CCNH: variants seen among roughly 807,000 people sequenced by gnomAD.
The protein encoded by CCNH is cyclin-H.
A neutral mutation model predicts 41.9 loss-of-function variants in CCNH; 31 were observed. That is an observed-to-expected ratio of 0.74 (90% CI 0.56 to 1.00). The LOEUF (loss-of-function observed/expected upper bound fraction) is 1.00. Among genes scored for constraint, CCNH ranks in the 50% least tolerant of loss-of-function variants. CCNH has a pLI of 0.00. For synonymous variants in CCNH, 138 were observed against 136.1 expected (o/e 1.01, Z -0.10); for missense variants, 362 against 388.4 (o/e 0.93, Z 0.57).
downstream of CCNH, among the ~76,000 whole-genome samples, chr5:87,371,621 T>C (rs1035864079): frequency 1.3e-5 from 2 of 152,130 alleles, no homozygotes; most frequent in South Asian, 4.1e-4. Flanking sequence ...TATACATTTC[T>C]ACCTGTATCA....
intron 9 of CCNH, among the ~76,000 whole-genome samples, chr5:87,352,625 T>A (rs1580333394): frequency 6.6e-6 from 1 of 151,896 alleles, no homozygotes; most frequent in Non-Finnish European, 1.5e-5. Flanking sequence ...TTTCTCCCTA[T>A]AGTGATAATC....
At chr5:87,382,001 GA>G (rs1487965283), upstream of CCNH, among the ~76,000 whole-genome samples, 2 of 152,124 alleles carry the variant, frequency 1.3e-5, no homozygotes, top group Non-Finnish European at 2.9e-5. Flanking sequence ...GCCCATGCTG[GA>G]GTGCAGTGGT....
chr5:87,390,926 C>G, downstream of CCNH: 1 of 1,536,042 alleles, frequency 6.5e-7, no homozygotes, highest in Non-Finnish European at 9.0e-7. Context: ...GCATGTCCAA[C>G]ATGGTAATTC....
intron 6 of CCNH, among the ~76,000 whole-genome samples, chr5:87,401,349 G>A (rs866555674): frequency 2.6e-5 from 4 of 152,186 alleles, no homozygotes; most frequent in Admixed American, 2.0e-4. Flanking sequence ...CTACAAAATA[G>A]AAGTTCCAAA....
In CCNH at chr5:87,333,347, A is replaced by G. The variant is rs545348240; in HGVS notation, c.*91-14450T>C. On this transcript the variant is annotated intron_variant and NMD_transcript_variant, in intron 9 of 9. Coordinates refer to the CCNH transcript ENST00000645953. The stretch of plus-strand genomic sequence containing the variant: ...ACACTGATGAAATAAGGTATTTTAT[A>G]ATCTATTCTCATGTATAGGCATTTG... The G allele has an allele frequency of 5.0e-6, 8 of 1,612,856 alleles. No individual in the cohort carries two copies. In the African/African-American group the frequency reaches 9.3e-5, roughly 19 times the overall value.
Position 87,363,341 on chromosome 5 carries a change from T to TA in CCNH, c.*90+29428dup. 1.3e-6 allele frequency: 2 copies of TA among 1,596,918 alleles called. 1 individual carries two copies. Among genetic ancestry groups the TA allele is most frequent in the South Asian group, 2.2e-5 (2 of 90,366 alleles). ...GCTAAGAGAAAACAATTTTTTTTTT[T>TA]AAACAGGCAAAGGAAAACGTTGGAA... is the stretch of plus-strand genomic sequence containing the variant. On this transcript the variant is annotated intron_variant and NMD_transcript_variant, in intron 9 of 9. Coordinates refer to the CCNH transcript ENST00000645953.
In CCNH at chr5:87,349,141, G is replaced by T. The variant is rs563008428; in HGVS notation, c.*91-30244C>A. 9.4e-5 allele frequency: 145 copies of T among 1,537,810 alleles called. 1 individual carries two copies. The African/African-American group carries it at 1.7e-3, about 18-fold the overall frequency. On this transcript the variant is annotated intron_variant and NMD_transcript_variant, in intron 9 of 9. Transcript: ENST00000645953. ...ATGTTTATGACTTTGAATGCACTTT[G>T]TAATAATACTACTTAACATCTTTTC... is the stretch of plus-strand genomic sequence containing the variant.
chr5:87,357,686 C>T (rs762375178), intron 9 of CCNH, among the ~76,000 whole-genome samples: 2 of 150,300 alleles, frequency 1.3e-5, no homozygotes, highest in African/African-American at 2.5e-5. Flanking sequence ...GACTGGGAGA[C>T]AGAACGAGAT....
chr5:87,409,794 C>A (rs1764088755), intron 2 of CCNH, among the ~76,000 whole-genome samples: 1 of 152,158 alleles, frequency 6.6e-6, no homozygotes, highest in Admixed American at 6.5e-5. Context: ...AGCCTTCTCT[C>A]TAAAGCCACT....
intron 9 of CCNH, among the ~76,000 whole-genome samples, chr5:87,382,836 C>T (rs1761812940): frequency 6.6e-6 from 1 of 151,898 alleles, no homozygotes; most frequent in Non-Finnish European, 1.5e-5. Flanking sequence ...GTAATCTCAA[C>T]ATGTTTAGAC....
chr5:87,348,858 A>T (rs529452754), intron 9 of CCNH, among the ~76,000 whole-genome samples: 23 of 152,070 alleles, frequency 1.5e-4, no homozygotes, highest in Non-Finnish European at 3.1e-4. Context: ...TATTACGAAG[A>T]TTTACATACA....
At chr5:87,332,018 T>A (rs755920795) in intron 9 of CCNH, among the ~76,000 whole-genome samples, 5 of 152,166 alleles carry the variant, frequency 3.3e-5, no homozygotes, top group African/African-American at 4.8e-5. Flanking sequence ...AAAAATCATC[T>A]AATGCATATA....
chr5:87,345,502 CCT>C (rs1311745809), intron 9 of CCNH, among the ~76,000 whole-genome samples: 1 of 152,074 alleles, frequency 6.6e-6, no homozygotes, highest in East Asian at 1.9e-4. Context: ...CAGTATAGAA[CCT>C]CACTACTTGT....
chr5:87,355,265 A>G (rs946692234), intron 9 of CCNH, among the ~76,000 whole-genome samples: 1 of 152,178 alleles, frequency 6.6e-6, no homozygotes, highest in African/African-American at 2.4e-5. Context: ...CGAAGCTTCA[A>G]AGGTCAGGCT....
chr5:87,377,615 G>C (rs1352064473), upstream of CCNH, among the ~76,000 whole-genome samples: 1 of 152,122 alleles, frequency 6.6e-6, no homozygotes, highest in Non-Finnish European at 1.5e-5. Flanking sequence ...CGGGGTTACA[G>C]GTCTTGTTTA....
rs139066002 is a variant in CCNH, at chr5:87,320,546, CAGAG to C, written c.*91-1653_*91-1650del. ...AACATCTTCACATGGTGACAGGAGA[CAGAG>C]AGAGTAAAGTGGGGAAGCGCCACAC... On this transcript the variant is annotated intron_variant and NMD_transcript_variant, in intron 9 of 9. Coordinates refer to the CCNH transcript ENST00000645953. Among the ~76,000 whole-genome samples, 219 of 152,242 alleles carry C rather than the reference CAGAG, an allele frequency of 1.4e-3. 5 individuals are homozygous for C. The East Asian group carries it at 0.037, about 26-fold the overall frequency.
chr5:87,404,121 T>C (rs1411277492), intron 5 of CCNH, among the ~76,000 whole-genome samples: 4 of 152,202 alleles, frequency 2.6e-5, no homozygotes, highest in Admixed American at 2.6e-4. Context: ...TAAGTATTCA[T>C]GTCTTAGAAA....
chr5:87,349,124 G>A (rs1299992739), intron 9 of CCNH: 1 of 1,415,364 alleles, frequency 7.1e-7, no homozygotes, highest in African/African-American at 1.4e-5. Flanking sequence ...ATATGTTTAT[G>A]ACTTTGAATG....
chr5:87,372,058 A>T, downstream of CCNH: 3 of 1,455,506 alleles, frequency 2.1e-6, no homozygotes, highest in Non-Finnish European at 9.4e-7. Flanking sequence ...AACCTAACTG[A>T]TGATTTGGAA....
Sources: allele counts gnomAD v4.1 joint callset (sites outside exome capture counted in the v4.1 genomes callset), GRCh38; gene constraint gnomAD v4.1.1; transcripts MANE v1.5; gene names NCBI Gene and HGNC (gene_info 2026-07-23, HGNC 2026-07-21).